The following LCORL variants were observed in gnomAD, a reference collection of about 807,000 sequenced individuals.
LCORL encodes the protein ligand dependent nuclear receptor corepressor like, also known as ligand-dependent nuclear receptor corepressor-like protein.
LCORL carries 41 observed loss-of-function variants against 141.8 expected under a neutral mutation model. The ratio of observed to expected loss-of-function variants is 0.29; its 90% confidence interval spans 0.23 to 0.38. LCORL has a LOEUF of 0.38. Ranked by LOEUF, LCORL falls within the 10% of genes least tolerant of loss-of-function variation. The pLI, the probability that LCORL is intolerant of heterozygous loss-of-function variation, is 1.00. For missense variants in LCORL, 1,759 were observed against 2,035.0 expected (o/e 0.86, Z 2.61); for synonymous variants, 618 against 694.1 (o/e 0.89, Z 1.72).
At chr4:18,013,008 T>G (rs1370316082) in intron 1 of LCORL, among the ~76,000 whole-genome samples, 1 of 152,208 alleles carries the variant, frequency 6.6e-6, no homozygotes, top group African/African-American at 2.4e-5. Flanking sequence ...CTTAATTACT[T>G]TCTAACCTAT....
chr4:18,003,669 G>A (rs1436308247), intron 1 of LCORL, among the ~76,000 whole-genome samples: 1 of 152,184 alleles, frequency 6.6e-6, no homozygotes, highest in African/African-American at 2.4e-5. Context: ...TAGGGAGATA[G>A]AGAAATGAAG....
intron 1 of LCORL, among the ~76,000 whole-genome samples, chr4:17,992,031 G>A (rs1438603608): frequency 1.3e-5 from 2 of 152,100 alleles, no homozygotes; most frequent in East Asian, 3.9e-4. Flanking sequence ...ATAAACTTCA[G>A]AGTACGTACC....
chr4:17,984,819 T>G (rs1398640771), intron 1 of LCORL, among the ~76,000 whole-genome samples: 1 of 152,296 alleles, frequency 6.6e-6, no homozygotes, highest in East Asian at 1.9e-4. Context: ...GTTAGTTTGC[T>G]CTTGCTTCTC....
At chr4:17,866,221 G>A (rs945386544) in intron 7 of LCORL, among the ~76,000 whole-genome samples, 1 of 152,002 alleles carries the variant, frequency 6.6e-6, no homozygotes, top group African/African-American at 2.4e-5. Context: ...CCACCACTTG[G>A]CCTAGTTAAT....
At chr4:17,971,380 A>G (rs971999990) in intron 2 of LCORL, among the ~76,000 whole-genome samples, 5 of 151,854 alleles carry the variant, frequency 3.3e-5, no homozygotes, top group African/African-American at 7.2e-5. Flanking sequence ...ACTCAACAAC[A>G]TAACTGTTAA....
chr4:17,857,469 C>A (rs922020196), intron 7 of LCORL, among the ~76,000 whole-genome samples: 1 of 152,130 alleles, frequency 6.6e-6, no homozygotes, highest in Admixed American at 6.6e-5. Flanking sequence ...GTAAAGTCCG[C>A]AGGTGGGTAC....
intron 1 of LCORL, among the ~76,000 whole-genome samples, chr4:17,980,720 C>T (rs1202177321): frequency 6.6e-6 from 1 of 152,150 alleles, no homozygotes; most frequent in Non-Finnish European, 1.5e-5. Flanking sequence ...GGACCAGTAC[C>T]AGTCTGTGGC....
At chr4:17,870,236 C>T (rs1726179641) in intron 7 of LCORL, among the ~76,000 whole-genome samples, 1 of 152,158 alleles carries the variant, frequency 6.6e-6, no homozygotes, top group Admixed American at 6.5e-5. Flanking sequence ...CTCCCAGGTT[C>T]AAGCAAGGTG....
chr4:17,900,088 T>C (rs1286884141), intron 5 of LCORL, among the ~76,000 whole-genome samples: 1 of 152,172 alleles, frequency 6.6e-6, no homozygotes, highest in Non-Finnish European at 1.5e-5. Context: ...AATTTCTTTT[T>C]TCTTTTTCTT....
chr4:17,877,049 G>A (rs1726998308), exon 7 of LCORL: 2 of 1,230,342 alleles, frequency 1.6e-6, no homozygotes, highest in Admixed American at 4.2e-5. Flanking sequence ...AACTTTTTTC[G>A]GTGTATTTTT....
intron 4 of LCORL, among the ~76,000 whole-genome samples, chr4:17,958,578 A>G (rs1049997374): frequency 5.3e-5 from 8 of 152,002 alleles, no homozygotes; most frequent in African/African-American, 9.7e-5. Flanking sequence ...GTTTATCAAC[A>G]TTCCAAACAA....
intron 4 of LCORL, among the ~76,000 whole-genome samples, chr4:17,909,782 T>G (rs1357274683): frequency 6.6e-6 from 1 of 152,114 alleles, no homozygotes; most frequent in Non-Finnish European, 1.5e-5. Context: ...CTTATAATTC[T>G]GTATCCATTA....
At chr4:17,990,125 G>A (rs1719718589) in intron 1 of LCORL, among the ~76,000 whole-genome samples, 1 of 140,240 alleles carries the variant, frequency 7.1e-6, no homozygotes, top group African/African-American at 2.7e-5. Context: ...TTGAAATGGA[G>A]TCTCGCTCTG....
At chr4:17,909,262 A>C in exon 5 of LCORL, 1 of 1,612,614 alleles carries the variant, frequency 6.2e-7, no homozygotes, top group Non-Finnish European at 8.5e-7. Flanking sequence ...TTTGAAATGT[A>C]CTCAATCGCA....
At chr4:17,881,503 AAAT>A in intron 6 of LCORL, 1 of 868,002 alleles carries the variant, frequency 1.2e-6, no homozygotes, top group Non-Finnish European at 1.4e-6. Context: ...GACCAAAAAT[AAAT>A]AATACAAGTA....
intron 1 of LCORL, among the ~76,000 whole-genome samples, chr4:17,991,490 T>C (rs1403097551): frequency 2.0e-5 from 3 of 152,212 alleles, no homozygotes; most frequent in African/African-American, 4.8e-5. Context: ...GGGGTTCTGA[T>C]AGTCACACAT....
chr4:17,923,929 G>C (rs1042120931), intron 4 of LCORL, among the ~76,000 whole-genome samples: 12 of 151,716 alleles, frequency 7.9e-5, no homozygotes, highest in Non-Finnish European at 1.0e-4. Context: ...CATGCAGTGT[G>C]GGCTTTCCCT....
exon 8 of LCORL, chr4:17,843,533 A>AT: frequency 1.5e-6 from 2 of 1,294,974 alleles, no homozygotes. Context: ...CTTTCTGAAG[A>AT]TTTTCTGCTG....
intron 3 of LCORL, 98 bp from the exon 4 acceptor site, chr4:17,962,130 T>A: frequency 1.5e-6 from 1 of 685,620 alleles, no homozygotes; most frequent in East Asian, 2.9e-5. Context: ...TAAATGCCCA[T>A]TTGTTCTGCT....
Sources: gnomAD v4.1 joint callset for allele counts (sites outside exome capture counted in the v4.1 genomes callset) on GRCh38, gnomAD v4.1.1 for gene constraint, MANE v1.5 for transcripts, NCBI Gene and HGNC (gene_info 2026-07-23, HGNC 2026-07-21) for gene names.